CLVS1: variants seen among roughly 807,000 people sequenced by gnomAD.
CLVS1 encodes clavesin-1.
A neutral mutation model predicts 33.1 loss-of-function variants in CLVS1; 10 were observed. The observed-to-expected ratio is 0.30, with a 90% CI of 0.19 to 0.51. The LOEUF is 0.51. Among genes scored for constraint, CLVS1 ranks in the 20% least tolerant of loss-of-function variants. The pLI, the probability that CLVS1 is intolerant of heterozygous loss-of-function variation, is 0.97. For missense variants in CLVS1, 343 were observed against 433.4 expected (o/e 0.79, Z 1.85); for synonymous variants, 163 against 166.1 (o/e 0.98, Z 0.14).
intron 2 of CLVS1, among the ~76,000 whole-genome samples, chr8:61,192,151 A>G (rs1807497746): frequency 6.6e-6 from 1 of 152,206 alleles, no homozygotes; most frequent in Non-Finnish European, 1.5e-5. Flanking sequence ...AGTAACCAAA[A>G]CAGCATGGTA....
At chr8:61,142,299 C>T (rs1488140014) in intron 2 of CLVS1, among the ~76,000 whole-genome samples, 1 of 152,180 alleles carries the variant, frequency 6.6e-6, no homozygotes, top group Non-Finnish European at 1.5e-5. Flanking sequence ...AAGATGTGCC[C>T]TGCTTCCCCT....
intron 1 of CLVS1, among the ~76,000 whole-genome samples, chr8:61,085,855 C>T (rs145702135): frequency 6.6e-6 from 1 of 151,660 alleles, no homozygotes; most frequent in Admixed American, 6.6e-5. Context: ...AACCCCACCT[C>T]TACTAAAAAT....
chr8:61,082,977 C>A (rs1486918240), intron 1 of CLVS1, among the ~76,000 whole-genome samples: 1 of 97,662 alleles, frequency 1.0e-5, no homozygotes, highest in Non-Finnish European at 2.0e-5. Flanking sequence ...AGAGAAAGAC[C>A]CTGTCTTAAA....
chr8:61,077,441 GTATTAT>G (rs57149995), intron 1 of CLVS1, among the ~76,000 whole-genome samples: 41,525 of 137,880 alleles, frequency 0.3, 6,862 homozygotes, highest in Non-Finnish European at 0.37. Flanking sequence ...CCCTCTAAAA[GTATTAT>G]TATTATTATT....
At chr8:61,059,910 G>A (rs979560755) in intron 1 of CLVS1, among the ~76,000 whole-genome samples, 3 of 152,044 alleles carry the variant, frequency 2.0e-5, no homozygotes, top group Admixed American at 6.5e-5. Context: ...TGAGTAGAAG[G>A]GCAGATGTGA....
chr8:61,268,046 A>G (rs1809348966), intron 2 of CLVS1, among the ~76,000 whole-genome samples: 1 of 152,000 alleles, frequency 6.6e-6, no homozygotes, highest in African/African-American at 2.4e-5. Context: ...TTTAAATTTT[A>G]GGGTACATGT....
intron 2 of CLVS1, among the ~76,000 whole-genome samples, chr8:61,310,816 T>C (rs1215187398): frequency 6.6e-6 from 1 of 152,216 alleles, no homozygotes; most frequent in Non-Finnish European, 1.5e-5. Flanking sequence ...TGATTTAAGA[T>C]AGCGATTGAA....
At chr8:61,074,577 C>T (rs1251829973) in intron 1 of CLVS1, among the ~76,000 whole-genome samples, 1 of 151,110 alleles carries the variant, frequency 6.6e-6, no homozygotes, top group African/African-American at 2.4e-5. Flanking sequence ...GAAAGCTCAA[C>T]CTATGTCTTT....
In CLVS1 at chr8:61,188,658, G is replaced by A. The variant is rs1006130408; in HGVS notation, c.-152+56798G>A. Among the ~76,000 whole-genome samples the A allele has an allele frequency of 2.6e-5, 4 of 151,996 alleles. No homozygotes were observed. The East Asian group carries it at 7.7e-4, about 29-fold the overall frequency. On this transcript the variant is annotated intron_variant, in intron 2 of 2. Coordinates refer to the CLVS1 transcript ENST00000522621. ...ACCTTTATAACATGTTAAACAATAG[G>A]CATAGCTAAAGGGAATATTAATGAA...
intron 2 of CLVS1, among the ~76,000 whole-genome samples, chr8:61,152,617 T>G (rs1263012131): frequency 6.6e-6 from 1 of 152,172 alleles, no homozygotes; most frequent in African/African-American, 2.4e-5. Flanking sequence ...GTCCCGTCCC[T>G]TCAGTCCTTC....
At chr8:61,186,398 T>C (rs1807344904) in intron 2 of CLVS1, among the ~76,000 whole-genome samples, 1 of 152,192 alleles carries the variant, frequency 6.6e-6, no homozygotes, top group Admixed American at 6.5e-5. Flanking sequence ...TCATTCCTTC[T>C]CTGCATACCT....
intron 5 of CLVS1, among the ~76,000 whole-genome samples, chr8:61,490,494 C>G (rs931416558): frequency 2.0e-5 from 3 of 151,508 alleles, no homozygotes; most frequent in Non-Finnish European, 4.4e-5. Flanking sequence ...CGGTGAAACC[C>G]CATCTCTACT....
chr8:61,447,054 ATTC>A (rs1450286490), intron 3 of CLVS1, among the ~76,000 whole-genome samples: 11 of 152,098 alleles, frequency 7.2e-5, no homozygotes, highest in African/African-American at 2.7e-4. Flanking sequence ...AACAAAGTAT[ATTC>A]TTCTGTTTTG....
chr8:61,212,480 G>A (rs936048118), intron 2 of CLVS1, among the ~76,000 whole-genome samples: 2 of 152,152 alleles, frequency 1.3e-5, no homozygotes, highest in Non-Finnish European at 2.9e-5. Context: ...CTGCCCAGTT[G>A]GTCCCAAGAG....
intron 2 of CLVS1, among the ~76,000 whole-genome samples, chr8:61,139,546 C>G (rs1806265939): frequency 6.6e-6 from 1 of 152,100 alleles, no homozygotes; most frequent in Non-Finnish European, 1.5e-5. Context: ...GTCAGGGGAC[C>G]GAGCGGAGGC....
rs768042369 is a variant in CLVS1, at chr8:61,259,824, T to TGC, written c.-151-39852_-151-39851dup. Among the ~76,000 whole-genome samples, 164 of 152,256 alleles carry TGC rather than the reference T, an allele frequency of 1.1e-3. 1 individual carries two copies. Among genetic ancestry groups the TGC allele is most frequent in the Admixed American group, 3.2e-3 (49 of 15,302 alleles). On this transcript the variant is annotated intron_variant, in intron 2 of 2. Transcript: ENST00000522621. Reference sequence around the variant, plus strand: ...GCAGGATATTGGCGGTGTGGCAGGCTGCCTCAGCTGCAGCTGTGGGTATAT... The same window carrying TGC: ...GCAGGATATTGGCGGTGTGGCAGGCTGCGCCTCAGCTGCAGCTGTGGGTATAT...
intron 4 of CLVS1, among the ~76,000 whole-genome samples, chr8:61,458,087 A>T (rs2129607180): frequency 6.6e-6 from 1 of 152,376 alleles, no homozygotes; most frequent in East Asian, 1.9e-4. Context: ...CAATCTGTTC[A>T]TAAACTTCAT....
At chr8:61,458,060 C>G (rs539679968) in intron 4 of CLVS1, among the ~76,000 whole-genome samples, 6 of 152,326 alleles carry the variant, frequency 3.9e-5, no homozygotes, top group African/African-American at 1.4e-4. Flanking sequence ...AAATTTGGCC[C>G]ACAGCCAAGT....
chr8:61,478,045 T>C (rs1818023125), intron 5 of CLVS1, among the ~76,000 whole-genome samples: 1 of 152,220 alleles, frequency 6.6e-6, no homozygotes, highest in Non-Finnish European at 1.5e-5. Context: ...TCAAAGAACA[T>C]CTTTACTTCT....
Sources: gnomAD v4.1 joint callset for allele counts (sites outside exome capture counted in the v4.1 genomes callset) on GRCh38, gnomAD v4.1.1 for gene constraint, MANE v1.5 for transcripts, NCBI Gene and HGNC (gene_info 2026-07-23, HGNC 2026-07-21) for gene names.